The following RMDN2 variants were observed in gnomAD, a reference collection of about 807,000 sequenced individuals.
RMDN2 encodes the protein regulator of microtubule dynamics protein 2.
In RMDN2, 61 loss-of-function variants were observed where a neutral mutation model predicts 52.8. The observed-to-expected ratio is 1.16, with a 90% CI of 0.94 to 1.43. The LOEUF (loss-of-function observed/expected upper bound fraction) is 1.43, where lower values mean the gene tolerates loss of function less well. Ranked by LOEUF, RMDN2 falls within the 40% of genes most tolerant of loss-of-function variation. RMDN2 has a pLI of 0.00. For missense variants in RMDN2, 592 were observed against 475.3 expected (o/e 1.25, Z -2.28); for synonymous variants, 180 against 153.1 (o/e 1.18, Z -1.30).
chr2:38,051,888 G>A (rs1336609767), intron 10 of RMDN2, among the ~76,000 whole-genome samples: 2 of 152,032 alleles, frequency 1.3e-5, no homozygotes, highest in African/African-American at 2.4e-5. Flanking sequence ...ATTCCATTGG[G>A]TATATACCAC....
At position 38,017,181 on chromosome 2, in the gene RMDN2, T is replaced by C; in HGVS notation, c.1180-5T>C. 6.6e-7 allele frequency: 1 copy of C among 1,507,916 alleles called. No individual in the cohort carries two copies. Among genetic ancestry groups the C allele is most frequent in the South Asian group, 1.3e-5 (1 of 79,786 alleles). 93.4% of individuals were successfully genotyped at this position (1,507,916 alleles called of 1,614,324 possible). On this transcript the variant is annotated splice_polypyrimidine_tract_variant and splice_region_variant and intron_variant, in intron 10 of 10. Coordinates refer to ENST00000354545, the MANE Select transcript of RMDN2 (RefSeq NM_001170791.3). The stretch of plus-strand genomic sequence containing the variant: ...TTTCATTATGTATTTGTATTTTCTT[T>C]ATAGGATAAAGAGGCACAGAAAGAG...
At chr2:37,935,366 T>C (rs879526762) in intron 2 of RMDN2, among the ~76,000 whole-genome samples, 7 of 152,244 alleles carry the variant, frequency 4.6e-5, no homozygotes, top group Non-Finnish European at 8.8e-5. Context: ...TTTGTGTTTT[T>C]ACTCTTAACA....
chr2:37,933,708 C>T (rs1667048776), intron 2 of RMDN2, among the ~76,000 whole-genome samples: 1 of 152,124 alleles, frequency 6.6e-6, no homozygotes, highest in African/African-American at 2.4e-5. Flanking sequence ...TTGCAGTGAG[C>T]CGAGATGGCA....
intron 2 of RMDN2, among the ~76,000 whole-genome samples, chr2:37,962,427 T>G (rs6544119): frequency 6.6e-6 from 1 of 152,126 alleles, no homozygotes; most frequent in Non-Finnish European, 1.5e-5. Context: ...TCTGGCTACA[T>G]TGGCTTTGCT....
chr2:38,054,435 A>G (rs1027493188), intron 10 of RMDN2, among the ~76,000 whole-genome samples: 4 of 152,242 alleles, frequency 2.6e-5, no homozygotes, highest in African/African-American at 9.6e-5. Context: ...AGTATTTTTT[A>G]AATTTTTGCT....
intron 10 of RMDN2, among the ~76,000 whole-genome samples, chr2:38,039,531 C>G (rs10490619): frequency 0.071 from 10,755 of 152,276 alleles, 426 homozygotes; most frequent in East Asian, 0.12. Context: ...TGGGAACATT[C>G]ACCCTCGCCC....
At chr2:38,027,298 C>T (rs1434667637) in intron 10 of RMDN2, 3 of 152,192 alleles carry the variant, frequency 2.0e-5, no homozygotes, top group African/African-American at 7.2e-5. Context: ...TGTTACCCAT[C>T]TCTCAGGGGT....
At chr2:38,031,338 A>G (rs1427495907) in intron 10 of RMDN2, among the ~76,000 whole-genome samples, 2 of 148,334 alleles carry the variant, frequency 1.3e-5, no homozygotes, top group Admixed American at 6.8e-5. Flanking sequence ...CACAGATGCA[A>G]TCATAGCTCA....
intron 10 of RMDN2, among the ~76,000 whole-genome samples, chr2:38,041,819 T>C (rs1680973357): frequency 6.6e-6 from 1 of 152,170 alleles, no homozygotes; most frequent in Non-Finnish European, 1.5e-5. Context: ...CAGAGTATGG[T>C]TGTAGTTTTT....
chr2:37,960,900 C>G (rs1267117205), intron 2 of RMDN2, among the ~76,000 whole-genome samples: 1 of 152,180 alleles, frequency 6.6e-6, no homozygotes, highest in Non-Finnish European at 1.5e-5. Flanking sequence ...TACCAAATCC[C>G]TCAGCACTTG....
At chr2:37,922,499 A>G (rs1481600445), upstream of RMDN2, among the ~76,000 whole-genome samples, 4 of 152,128 alleles carry the variant, frequency 2.6e-5, no homozygotes, top group African/African-American at 4.8e-5. Flanking sequence ...CTTTTCCCTC[A>G]AATGTACATA....
intron 8 of RMDN2, among the ~76,000 whole-genome samples, chr2:38,000,218 G>A (rs1430314378): frequency 6.6e-5 from 10 of 152,104 alleles, no homozygotes; most frequent in Non-Finnish European, 2.9e-5. Flanking sequence ...CAAAATTCTG[G>A]CATGATTCCC....
chr2:37,986,478 G>A (rs2125117999), intron 5 of RMDN2, among the ~76,000 whole-genome samples: 1 of 152,060 alleles, frequency 6.6e-6, no homozygotes, highest in African/African-American at 2.4e-5. Flanking sequence ...ATCAGACACT[G>A]GAAGGAAACT....
intron 10 of RMDN2, chr2:38,027,253 C>CA (rs1212908148): frequency 6.6e-6 from 1 of 152,200 alleles, no homozygotes; most frequent in African/African-American, 2.4e-5. Flanking sequence ...TCTCTCAAAG[C>CA]AGTAAGCTGG....
At chr2:37,958,539 T>G (rs1669785768) in intron 2 of RMDN2, among the ~76,000 whole-genome samples, 1 of 151,004 alleles carries the variant, frequency 6.6e-6, no homozygotes. Context: ...GTTTTGGGGC[T>G]GAGATGATAG....
intron 10 of RMDN2, among the ~76,000 whole-genome samples, chr2:38,009,613 A>C (rs1369930645): frequency 1.3e-5 from 2 of 152,050 alleles, no homozygotes; most frequent in African/African-American, 2.4e-5. Flanking sequence ...CCATTCATCT[A>C]ATTTTTTTTC....
At chr2:37,938,686 G>A (rs550022746) in intron 2 of RMDN2, among the ~76,000 whole-genome samples, 9 of 152,272 alleles carry the variant, frequency 5.9e-5, no homozygotes, top group South Asian at 2.1e-4. Context: ...TTGTGTAGAG[G>A]TGTTTATAGT....
intron 2 of RMDN2, among the ~76,000 whole-genome samples, chr2:37,958,953 G>C (rs1286161543): frequency 2.7e-5 from 4 of 150,928 alleles, no homozygotes; most frequent in Non-Finnish European, 4.4e-5. Context: ...GATGGATTAC[G>C]TTTATTGACT....
chr2:37,949,615 A>G (rs10490618), intron 2 of RMDN2, among the ~76,000 whole-genome samples: 2,851 of 152,244 alleles, frequency 0.019, 246 homozygotes, highest in Admixed American at 0.13. Context: ...TACAAATCCG[A>G]CCATTGTATG....
Sources: allele counts gnomAD v4.1 joint callset (sites outside exome capture counted in the v4.1 genomes callset), GRCh38; gene constraint gnomAD v4.1.1; transcripts MANE v1.5; gene names NCBI Gene and HGNC (gene_info 2026-07-23, HGNC 2026-07-21).